PTPRT: variants seen among roughly 807,000 people sequenced by gnomAD.
PTPRT encodes protein tyrosine phosphatase receptor type T, also known as receptor-type tyrosine-protein phosphatase T.
PTPRT carries 56 observed loss-of-function variants against 176.8 expected under a neutral mutation model. The ratio of observed to expected loss-of-function variants is 0.32; its 90% CI spans 0.26 to 0.40. The LOEUF is 0.40. PTPRT is among the 10% of genes least tolerant of loss of function. PTPRT has a pLI of 1.00. For missense variants in PTPRT, 1,540 were observed against 1,908.2 expected, an observed-to-expected ratio of 0.81 and a Z score of 3.60; for synonymous variants, 783 against 739.0, an observed-to-expected ratio of 1.06 and a Z score of -0.96.
chr20:42,587,887 C>A (rs1478466003), intron 7 of PTPRT, among the ~76,000 whole-genome samples: 1 of 152,124 alleles, frequency 6.6e-6, no homozygotes, highest in African/African-American at 2.4e-5. Flanking sequence ...TGACTTTGGG[C>A]AAATTACTTC....
intron 2 of PTPRT, among the ~76,000 whole-genome samples, chr20:42,810,381 G>A (rs2145616942): frequency 6.6e-6 from 1 of 152,210 alleles, no homozygotes; most frequent in Non-Finnish European, 1.5e-5. Context: ...ACATAAGACA[G>A]AACAAGTCAA....
chr20:42,699,881 C>T (rs3091434), intron 6 of PTPRT, among the ~76,000 whole-genome samples: 51,304 of 152,034 alleles, frequency 0.34, 9,505 homozygotes, highest in African/African-American at 0.5. Context: ...AAAAAGTAAG[C>T]CCACAAACTA....
chr20:42,887,226 G>A (rs1179498786), intron 1 of PTPRT, among the ~76,000 whole-genome samples: 1 of 152,164 alleles, frequency 6.6e-6, no homozygotes, highest in Non-Finnish European at 1.5e-5. Flanking sequence ...GCCTTTGGGA[G>A]GTGATTAGGA....
chr20:42,412,797 G>A (rs1294083360), intron 9 of PTPRT, among the ~76,000 whole-genome samples: 1 of 152,114 alleles, frequency 6.6e-6, no homozygotes, highest in African/African-American at 2.4e-5. Context: ...GACTCAAAAA[G>A]CTGCATCCTG....
At chr20:42,441,895 G>A (rs2059319611) in intron 9 of PTPRT, among the ~76,000 whole-genome samples, 1 of 152,186 alleles carries the variant, frequency 6.6e-6, no homozygotes, top group Non-Finnish European at 1.5e-5. Context: ...AATTAACGTA[G>A]ATCCAGTTTG....
rs867035373 is a variant in PTPRT at position 42,440,860 on chromosome 20, G to A, written c.1560+7360C>T. On this transcript the variant is annotated intron_variant, in intron 9 of 30. Coordinates refer to ENST00000373187, the MANE Select transcript of PTPRT (RefSeq NM_007050.6). ...TTGCAGTTCCAGTCTGAAAGGCATC[G>A]GCTGGGGAATTCCCTCTTACTCAGG... 2.0e-4 allele frequency among the ~76,000 whole-genome samples: 30 copies of A among 152,278 alleles called. 1 individual carries two copies. The highest frequency in any genetic ancestry group is 4.3e-4 in the African/African-American group (18 of 41,570).
intron 3 of PTPRT, among the ~76,000 whole-genome samples, chr20:42,783,997 A>T (rs1016192308): frequency 3.9e-5 from 6 of 152,178 alleles, no homozygotes. Flanking sequence ...ACGTCTCTGT[A>T]GATGCTCTTC....
chr20:42,258,190 C>A (rs907220798), intron 13 of PTPRT, among the ~76,000 whole-genome samples: 1 of 152,182 alleles, frequency 6.6e-6, no homozygotes, highest in African/African-American at 2.4e-5. Flanking sequence ...GGGTTTGCCA[C>A]CCACTCTATC....
chr20:42,969,662 G>A lies in PTPRT; in HGVS notation c.89-83730C>T, dbSNP rs576003689. 10 of 152,128 alleles carry A rather than the reference G, an allele frequency of 6.6e-5. No individual in the cohort carries two copies. In the East Asian group the frequency reaches 1.5e-3, roughly 24 times the overall value. The allele number at this position is 152,128 out of a possible 1,614,324, so 9.4% of individuals were successfully genotyped here. The stretch of plus-strand genomic sequence containing the variant: ...GCTTTGAAAACCAAAACATTTTTTC[G>A]TAAGTTTGGTACAGACTTATTTGGT... On this transcript the variant is annotated intron_variant, in intron 1 of 30. Coordinates refer to ENST00000373187, the MANE Select transcript of PTPRT (RefSeq NM_007050.6).
chr20:42,737,261 C>T (rs375660770), intron 6 of PTPRT, among the ~76,000 whole-genome samples: 4 of 152,236 alleles, frequency 2.6e-5, no homozygotes, highest in African/African-American at 7.2e-5. Context: ...GGCCATGTGA[C>T]GACAGAGGCA....
At chr20:42,180,719 G>A (rs151203911) in intron 16 of PTPRT, among the ~76,000 whole-genome samples, 121 of 152,326 alleles carry the variant, frequency 7.9e-4, no homozygotes, top group African/African-American at 2.5e-3. Context: ...TCTGAAGAGA[G>A]TAGTGCAATC....
intron 2 of PTPRT, among the ~76,000 whole-genome samples, chr20:42,821,127 A>T (rs1464591526): frequency 6.6e-6 from 1 of 152,242 alleles, no homozygotes; most frequent in Non-Finnish European, 1.5e-5. Flanking sequence ...ACTTCAGGCC[A>T]ATATCCCTGA....
intron 11 of PTPRT, among the ~76,000 whole-genome samples, chr20:42,336,062 C>T (rs2058035341): frequency 6.6e-6 from 1 of 152,074 alleles, no homozygotes; most frequent in South Asian, 2.1e-4. Flanking sequence ...AGTTAATATA[C>T]ATAAAGAACT....
chr20:42,782,140 T>C (rs1041388329), intron 3 of PTPRT, among the ~76,000 whole-genome samples: 1 of 152,232 alleles, frequency 6.6e-6, no homozygotes, highest in African/African-American at 2.4e-5. Flanking sequence ...TGGGTCTTTT[T>C]TCTATTTAGG....
intron 1 of PTPRT, among the ~76,000 whole-genome samples, chr20:42,925,905 A>C (rs936936058): frequency 6.6e-6 from 1 of 152,192 alleles, no homozygotes; most frequent in African/African-American, 2.4e-5. Flanking sequence ...GGTACTGCAC[A>C]GTCCCTTTGC....
chr20:42,350,985 C>T (rs1249851223), intron 10 of PTPRT, among the ~76,000 whole-genome samples: 4 of 152,192 alleles, frequency 2.6e-5, no homozygotes, highest in Admixed American at 6.5e-5. Flanking sequence ...TGAACCAAAA[C>T]GTTCCACACC....
intron 15 of PTPRT, among the ~76,000 whole-genome samples, chr20:42,204,562 C>G (rs1361891109): frequency 2.0e-5 from 3 of 152,214 alleles, no homozygotes; most frequent in African/African-American, 4.8e-5. Flanking sequence ...TAAGACACAG[C>G]AATCCAAAGT....
chr20:42,825,638 A>G (rs2077979372), intron 2 of PTPRT, among the ~76,000 whole-genome samples: 2 of 152,180 alleles, frequency 1.3e-5, no homozygotes, highest in African/African-American at 4.8e-5. Flanking sequence ...CACAAAGTAA[A>G]CACATGCATT....
At chr20:42,095,072 G>A (rs903776440) in intron 27 of PTPRT, among the ~76,000 whole-genome samples, 2 of 152,080 alleles carry the variant, frequency 1.3e-5, no homozygotes, top group Admixed American at 6.6e-5. Flanking sequence ...CTCTCTGGAT[G>A]TGTTGTTGGC....
Sources: gnomAD v4.1 joint callset for allele counts (sites outside exome capture counted in the v4.1 genomes callset) on GRCh38, gnomAD v4.1.1 for gene constraint, MANE v1.5 for transcripts, NCBI Gene and HGNC (gene_info 2026-07-23, HGNC 2026-07-21) for gene names.